The following SLC1A1 variants were observed in gnomAD, a reference collection of about 807,000 sequenced individuals.
SLC1A1 encodes the protein solute carrier family 1 member 1, also known as excitatory amino acid transporter 3.
A neutral mutation model predicts 53.3 loss-of-function variants in SLC1A1; 43 were observed. The observed-to-expected ratio is 0.81, with a 90% CI of 0.63 to 1.04. The LOEUF is 1.04. SLC1A1 is among the 50% of genes least tolerant of loss of function. The pLI is 0.00. For synonymous variants in SLC1A1, 307 were observed against 243.2 expected (o/e 1.26, Z -2.44); for missense variants, 748 against 664.9 (o/e 1.12, Z -1.37).
rs142648085 is a variant in SLC1A1 at position 4,583,134 on chromosome 9, C to T, written c.1290C>T (p.Ala430=). 3.8e-5 allele frequency: 62 copies of T among 1,614,082 alleles called. No homozygotes were observed. The highest frequency in any genetic ancestry group is 2.2e-4 in the East Asian group (10 of 44,900). Residue 430 remains alanine, a synonymous_variant, in exon 11 of 12, where the codon GCC becomes GCT. Transcript: ENST00000262352. The surrounding 1 kb of genome is among the most constrained non-coding windows in gnomAD (Gnocchi z 4.6). ...TGCTGAGTGCCGTGGGCCTGCCCGC[C>T]GAGGATGTCACCCTGATCATTGCTG... is the stretch of plus-strand genomic sequence containing the variant. ...VIVLSAVGLP[A]EDVTLIIAVD...
rs1318659369 is a variant in SLC1A1, at chr9:4,537,516, G to A, written c.92-7051G>A. Among the ~76,000 whole-genome samples, 3 of 49,272 alleles carry A rather than the reference G, an allele frequency of 6.1e-5. No homozygotes were observed. The Admixed American group carries it at 6.9e-4, about 11-fold the overall frequency. The allele number at this position is 49,272 out of a possible 152,430, so 32.3% of individuals were successfully genotyped here. On this transcript the variant is annotated intron_variant, in intron 1 of 11. Coordinates refer to ENST00000262352, the MANE Select transcript of SLC1A1 (RefSeq NM_004170.6). Reference sequence around the variant, plus strand: ...GGAGCTTGCAGTGAGCCGAGATTGCGCCACTGCAGTCCACAGTCCGGCCTG... The same window carrying A: ...GGAGCTTGCAGTGAGCCGAGATTGCACCACTGCAGTCCACAGTCCGGCCTG...
chr9:4,502,896 A>G (rs1820684100), intron 1 of SLC1A1, among the ~76,000 whole-genome samples: 1 of 151,568 alleles, frequency 6.6e-6, no homozygotes, highest in Admixed American at 6.6e-5. Flanking sequence ...CCTTTCCGCT[A>G]CGCTTCTCCT....
intron 1 of SLC1A1, among the ~76,000 whole-genome samples, chr9:4,535,829 C>G (rs534370821): frequency 4.6e-5 from 7 of 152,248 alleles, no homozygotes; most frequent in African/African-American, 1.7e-4. Context: ...CTACAGTAAC[C>G]AAAACAGCAT....
At chr9:4,527,913 G>A (rs1816320704) in intron 1 of SLC1A1, among the ~76,000 whole-genome samples, 2 of 152,108 alleles carry the variant, frequency 1.3e-5, no homozygotes, top group Non-Finnish European at 2.9e-5. Context: ...AAGACCAGGA[G>A]CACATCAGAA....
intron 1 of SLC1A1, among the ~76,000 whole-genome samples, chr9:4,532,996 T>A (rs188848188): frequency 1.3e-5 from 2 of 152,132 alleles, no homozygotes; most frequent in Non-Finnish European, 2.9e-5. Flanking sequence ...TAAAATACTT[T>A]ACAGACAAGC....
At chr9:4,531,744 A>C (rs1371106968) in intron 1 of SLC1A1, among the ~76,000 whole-genome samples, 1 of 152,202 alleles carries the variant, frequency 6.6e-6, no homozygotes, top group Non-Finnish European at 1.5e-5. Context: ...ATCTGAGAAC[A>C]GGCAGACAGC....
intron 1 of SLC1A1, among the ~76,000 whole-genome samples, chr9:4,537,546 A>T (rs537124587): frequency 0.01 from 398 of 38,600 alleles, 112 homozygotes; most frequent in African/African-American, 0.038. Flanking sequence ...GGCCTGGGCG[A>T]CAGAGCGAGA....
intron 10 of SLC1A1, among the ~76,000 whole-genome samples, chr9:4,580,651 G>GTGTGTGTGTGTGTGTGTGTGTGTGTA (rs370378540): frequency 1.7e-5 from 2 of 118,844 alleles, no homozygotes; most frequent in Non-Finnish European, 3.3e-5. Context: ...GTGTGTGTGT[G>GTGTGTGTGTGTGTGTGTGTGTGTGTA]TATAAGGAAT....
intron 1 of SLC1A1, among the ~76,000 whole-genome samples, chr9:4,526,809 G>C (rs540535822): frequency 6.6e-6 from 1 of 151,644 alleles, no homozygotes; most frequent in Non-Finnish European, 1.5e-5. Context: ...GTTGTAGTAG[G>C]CAGTTCTGAG....
At chr9:4,529,443 G>A (rs1370668103) in intron 1 of SLC1A1, among the ~76,000 whole-genome samples, 1 of 152,142 alleles carries the variant, frequency 6.6e-6, no homozygotes, top group African/African-American at 2.4e-5. Context: ...CTACTCTTTT[G>A]ATGAAACTGT....
intron 1 of SLC1A1, among the ~76,000 whole-genome samples, chr9:4,534,002 T>C (rs1266132270): frequency 6.6e-6 from 1 of 152,174 alleles, no homozygotes; most frequent in African/African-American, 2.4e-5. Flanking sequence ...AGATGTTCTT[T>C]GAAACCAATG....
intron 1 of SLC1A1, among the ~76,000 whole-genome samples, chr9:4,542,550 C>T (rs139321307): frequency 6.6e-6 from 1 of 152,178 alleles, no homozygotes; most frequent in Non-Finnish European, 1.5e-5. Context: ...TGTTTGAGTA[C>T]AGACACATCT....
rs903908369 is a variant in SLC1A1, at chr9:4,502,866, C to G, written c.91+12096C>G. On this transcript the variant is annotated intron_variant, in intron 1 of 11. Coordinates refer to ENST00000262352, the MANE Select transcript of SLC1A1 (RefSeq NM_004170.6). The stretch of plus-strand genomic sequence containing the variant: ...ATCCTTTCTCAGTCTTGTAGCTCAT[C>G]TTTATTGCGTGTGGTTAGTCCTTTC... 4.6e-5 allele frequency among the ~76,000 whole-genome samples: 7 copies of G among 151,704 alleles called. 1 individual carries two copies. The highest frequency in any genetic ancestry group is 7.3e-5 in the African/African-American group (3 of 41,006).
At chr9:4,574,766 T>G (rs1472405943) in intron 8 of SLC1A1, among the ~76,000 whole-genome samples, 4 of 152,220 alleles carry the variant, frequency 2.6e-5, no homozygotes, top group African/African-American at 9.7e-5. Flanking sequence ...TTGATTTGAC[T>G]CTCACAAGTC....
At chr9:4,528,043 T>C (rs967853095) in intron 1 of SLC1A1, among the ~76,000 whole-genome samples, 1 of 152,186 alleles carries the variant, frequency 6.6e-6, no homozygotes, top group Non-Finnish European at 1.5e-5. Context: ...TAGTTTTTAG[T>C]AAAGTCTCAT....
chr9:4,538,787 G>C (rs1260518741), intron 1 of SLC1A1, among the ~76,000 whole-genome samples: 1 of 152,232 alleles, frequency 6.6e-6, no homozygotes, highest in Non-Finnish European at 1.5e-5. Context: ...GGCAGGAAGA[G>C]ATGAGAAAGG....
intron 10 of SLC1A1, 78 bp downstream of exon 10, chr9:4,576,841 C>T (rs954725459): frequency 8.0e-7 from 1 of 1,249,848 alleles, no homozygotes; most frequent in Admixed American, 1.7e-5. Flanking sequence ...GAAGGGACAC[C>T]AAGAATGTCG....
At position 4,583,619 on chromosome 9, in the gene SLC1A1, T is replaced by C. The variant is rs146031944; in HGVS notation, c.1328+447T>C. 7.2e-3 allele frequency among the ~76,000 whole-genome samples: 1,101 copies of C among 152,272 alleles called. 18 individuals carry two copies. The highest frequency in any genetic ancestry group is 0.025 in the African/African-American group (1,037 of 41,542). On this transcript the variant is annotated intron_variant, in intron 11 of 11. Transcript: ENST00000262352. This position sits in a 1 kb window ranked among gnomAD's most constrained non-coding sequence, Gnocchi z 4.6. Reference sequence around the variant, plus strand: ...CACTTGGGTTTGAATCTCCGTCCTGTGTCTTACCAGCTTCTTGACCTCGAG... The same window carrying C: ...CACTTGGGTTTGAATCTCCGTCCTGCGTCTTACCAGCTTCTTGACCTCGAG...
At chr9:4,513,696 CTG>C (rs1357834027) in intron 1 of SLC1A1, among the ~76,000 whole-genome samples, 1 of 152,190 alleles carries the variant, frequency 6.6e-6, no homozygotes, top group African/African-American at 2.4e-5. Flanking sequence ...AGTCCCACTC[CTG>C]TGTATAGGTC....
Sources: allele counts gnomAD v4.1 joint callset (sites outside exome capture counted in the v4.1 genomes callset), GRCh38; gene constraint gnomAD v4.1.1; non-coding constraint Gnocchi (gnomAD v3.1); transcripts MANE v1.5; gene names NCBI Gene and HGNC (gene_info 2026-07-23, HGNC 2026-07-21).